The following GPC6 variants were observed in gnomAD, a reference collection of about 807,000 sequenced individuals.
The protein encoded by GPC6 is glypican 6.
In GPC6, 14 loss-of-function variants were observed where a neutral mutation model predicts 55.2. The observed-to-expected ratio is 0.25, with a 90% CI of 0.17 to 0.40. The LOEUF is 0.40. Among genes scored for constraint, GPC6 ranks in the 10% least tolerant of loss-of-function variants. GPC6 has a pLI of 1.00. For synonymous variants in GPC6, 278 were observed against 259.6 expected (o/e 1.07, Z -0.68); for missense variants, 641 against 708.5 (o/e 0.90, Z 1.08).
chr13:93,266,889 C>T (rs185742726), intron 1 of GPC6, among the ~76,000 whole-genome samples: 8 of 152,152 alleles, frequency 5.3e-5, no homozygotes, highest in Admixed American at 6.5e-5. Flanking sequence ...TGTATTCTGT[C>T]GTGTATTTCT....
chr13:93,872,761 T>TA (rs1889167359), intron 3 of GPC6, among the ~76,000 whole-genome samples: 1 of 151,994 alleles, frequency 6.6e-6, no homozygotes, highest in East Asian at 1.9e-4. Flanking sequence ...CATAACCTAT[T>TA]AACAGATTCC....
At chr13:94,155,715 G>C (rs1887908470) in intron 4 of GPC6, among the ~76,000 whole-genome samples, 1 of 152,114 alleles carries the variant, frequency 6.6e-6, no homozygotes, top group South Asian at 2.1e-4. Context: ...CCACTTCCCT[G>C]CTTTTAACTC....
intron 6 of GPC6, among the ~76,000 whole-genome samples, chr13:94,365,146 A>G (rs1879233030): frequency 6.6e-6 from 1 of 152,190 alleles, no homozygotes; most frequent in Non-Finnish European, 1.5e-5. Flanking sequence ...GAATAGGCAA[A>G]TCTTTATGGT....
At chr13:93,669,949 G>A (rs756211677) in intron 2 of GPC6, among the ~76,000 whole-genome samples, 39 of 152,142 alleles carry the variant, frequency 2.6e-4, no homozygotes, top group Non-Finnish European at 4.6e-4. Context: ...TGCCTGCTAG[G>A]CTGTTTTTAA....
chr13:93,744,675 C>T (rs1884333895), intron 2 of GPC6, among the ~76,000 whole-genome samples: 1 of 151,536 alleles, frequency 6.6e-6, no homozygotes, highest in East Asian at 1.9e-4. Context: ...CGTGGTGGCT[C>T]ACACCTGTAA....
At chr13:94,252,534 A>G (rs1009809899) in intron 4 of GPC6, among the ~76,000 whole-genome samples, 1 of 152,090 alleles carries the variant, frequency 6.6e-6, no homozygotes, top group African/African-American at 2.4e-5. Context: ...TGGCGATTTC[A>G]ATGCTGAAAT....
intron 3 of GPC6, among the ~76,000 whole-genome samples, chr13:93,883,575 T>C (rs951316312): frequency 3.9e-5 from 6 of 152,148 alleles, no homozygotes; most frequent in African/African-American, 1.4e-4. Context: ...CATTTTTTCA[T>C]ATGCTTGTTG....
In GPC6 at chr13:94,382,474, A is replaced by G. The variant is rs1011316440; in HGVS notation, c.1213A>G (p.Thr405Ala). 2.5e-6 allele frequency: 4 copies of G among 1,613,994 alleles called. No homozygotes were observed. In the African/African-American group the frequency reaches 5.3e-5, roughly 22 times the overall value. ...AAAGGTCTGGTCAGCATTACCCTACACTATCTGCAAGGACGAGAGCGTGAC... is the reference window on the plus strand; with the variant it reads ...AAAGGTCTGGTCAGCATTACCCTACGCTATCTGCAAGGACGAGAGCGTGAC... ...SKKVWSALPY[T>A]ICKDESVTAG... The change falls in exon 7 of 9, where the codon ACT (threonine) becomes GCT (alanine). Residue 405 changes from threonine to alanine, a missense_variant. Coordinates refer to ENST00000377047, the MANE Select transcript of GPC6 (RefSeq NM_005708.5).
At chr13:93,696,476 TTCA>T (rs1882455668) in intron 2 of GPC6, among the ~76,000 whole-genome samples, 1 of 152,130 alleles carries the variant, frequency 6.6e-6, no homozygotes, top group Non-Finnish European at 1.5e-5. Context: ...TTTATATAAC[TTCA>T]TCATTAGCTA....
chr13:93,461,424 T>C (rs1447171403), intron 1 of GPC6, among the ~76,000 whole-genome samples: 1 of 152,146 alleles, frequency 6.6e-6, no homozygotes, highest in Non-Finnish European at 1.5e-5. Context: ...CACTTACAAG[T>C]AAAGTATTAT....
At chr13:93,417,157 G>A (rs1371586477) in intron 1 of GPC6, among the ~76,000 whole-genome samples, 1 of 152,084 alleles carries the variant, frequency 6.6e-6, no homozygotes, top group African/African-American at 2.4e-5. Flanking sequence ...GAAAAACAGT[G>A]GCATGAGAAA....
chr13:94,205,912 G>T (rs529342342), intron 4 of GPC6, among the ~76,000 whole-genome samples: 4 of 152,148 alleles, frequency 2.6e-5, no homozygotes, highest in African/African-American at 4.8e-5. Context: ...CATCAGAGAC[G>T]TTTGGCAGTG....
chr13:93,962,128 G>T (rs1370904348), intron 3 of GPC6, among the ~76,000 whole-genome samples: 1 of 152,088 alleles, frequency 6.6e-6, no homozygotes, highest in Admixed American at 6.6e-5. Flanking sequence ...GAACCATATT[G>T]CTTACCTGAT....
chr13:93,951,681 T>A (rs1879261237), intron 3 of GPC6, among the ~76,000 whole-genome samples: 1 of 152,114 alleles, frequency 6.6e-6, no homozygotes, highest in South Asian at 2.1e-4. Context: ...ATAGTAATGG[T>A]TATAATAATT....
chr13:93,927,687 GA>G (rs10592821), intron 3 of GPC6, among the ~76,000 whole-genome samples: 69,842 of 135,182 alleles, frequency 0.52, 16,730 homozygotes, highest in South Asian at 0.55. Flanking sequence ...CCTTCTTTGT[GA>G]AAAAAAAAAA....
intron 4 of GPC6, among the ~76,000 whole-genome samples, chr13:94,248,395 G>A (rs569559963): frequency 6.6e-6 from 1 of 152,198 alleles, no homozygotes; most frequent in South Asian, 2.1e-4. Context: ...AATTAGAGAT[G>A]AGATAAAAAT....
At chr13:94,130,875 CAT>C (rs1428547286) in intron 4 of GPC6, among the ~76,000 whole-genome samples, 1 of 152,074 alleles carries the variant, frequency 6.6e-6, no homozygotes, top group Non-Finnish European at 1.5e-5. Context: ...GTTTTTATAA[CAT>C]ATGGACTGTT....
intron 3 of GPC6, among the ~76,000 whole-genome samples, chr13:93,981,805 G>C (rs539101081): frequency 1.3e-5 from 2 of 152,072 alleles, no homozygotes; most frequent in East Asian, 3.9e-4. Context: ...CATCTCCTTT[G>C]GTAGCTATTT....
chr13:94,142,257 G>T (rs1887405100), intron 4 of GPC6, among the ~76,000 whole-genome samples: 1 of 152,152 alleles, frequency 6.6e-6, no homozygotes, highest in South Asian at 2.1e-4. Context: ...GCCTTGTTTA[G>T]TGATAAGAGA....
Sources: allele counts gnomAD v4.1 joint callset (sites outside exome capture counted in the v4.1 genomes callset), GRCh38; gene constraint gnomAD v4.1.1; transcripts MANE v1.5; gene names NCBI Gene and HGNC (gene_info 2026-07-23, HGNC 2026-07-21).